Variants in AFF2 observed in about 807,000 individuals in gnomAD.
The protein encoded by AFF2 is AF4/FMR2 family member 2.
In AFF2, 14 loss-of-function variants were observed where a neutral mutation model predicts 76.9. The observed-to-expected ratio is 0.18, with a 90% CI of 0.12 to 0.28. The LOEUF (loss-of-function observed/expected upper bound fraction) is 0.28. Among genes scored for constraint, AFF2 ranks in the 10% least tolerant of loss-of-function variants. The pLI is 1.00. For missense variants in AFF2, 868 were observed against 1,001.1 expected (o/e 0.87, Z 1.79); for synonymous variants, 398 against 366.7 (o/e 1.09, Z -0.98).
At chrX:148,697,492 A>G (rs2054734277) in intron 3 of AFF2, among the ~76,000 whole-genome samples, 1 of 111,351 alleles carries the variant, frequency 9.0e-6, no homozygotes, top group African/African-American at 3.3e-5. Flanking sequence ...TCTACAGCAG[A>G]TGGGTCAGGC....
At chrX:148,685,282 A>C (rs1387591637) in intron 3 of AFF2, among the ~76,000 whole-genome samples, 3 of 112,084 alleles carry the variant, frequency 2.7e-5, no homozygotes, top group African/African-American at 9.7e-5. Context: ...CCAGTGGCTT[A>C]AAGTAATTTA....
chrX:148,930,581 T>C (rs1228211844), intron 9 of AFF2, among the ~76,000 whole-genome samples: 2 of 112,538 alleles, frequency 1.8e-5, no homozygotes, highest in Non-Finnish European at 3.8e-5. Flanking sequence ...AGTCACTACA[T>C]GTCCAAATGC....
intron 3 of AFF2, among the ~76,000 whole-genome samples, chrX:148,801,441 G>A (rs185855170): frequency 1.8e-5 from 2 of 111,459 alleles, no homozygotes; most frequent in East Asian, 2.8e-4. Context: ...TGATCTTGCC[G>A]CATACTTCAT....
In AFF2 at chrX:148,931,253, CAAA is replaced by C. The variant is rs782537927; in HGVS notation, c.1398-22303_1398-22301del. On this transcript the variant is annotated intron_variant, in intron 9 of 20. Transcript: ENST00000370460. ...TGGGTGACAGAGCGAGACTCTGTCT[CAAA>C]AAAAAAAAAAAAAAAAAAAAAAATT... is the stretch of plus-strand genomic sequence containing the variant. 1.6e-4 allele frequency among the ~76,000 whole-genome samples: 7 copies of C among 43,766 alleles called. No homozygotes were observed. In the East Asian group the frequency reaches 2.7e-3, roughly 17 times the overall value. 38.0% of individuals were successfully genotyped at this position (43,766 alleles called of 115,157 possible).
At chrX:148,686,176 AT>A (rs1213091744) in intron 3 of AFF2, among the ~76,000 whole-genome samples, 1 of 112,083 alleles carries the variant, frequency 8.9e-6, no homozygotes, top group African/African-American at 3.2e-5. Context: ...TGATAACAAA[AT>A]GTTGCATCTC....
Position 148,992,324 on chromosome X carries a change from C to A in AFF2, c.*992C>A, listed in dbSNP as rs782077604. ...TTTTTAAATTGTATTTTGCTCAAAT[C>A]TATGGGAACAAAAGTCAAGGTATCA... On this transcript the variant is annotated 3_prime_UTR_variant, in exon 21 of 21. Transcript: ENST00000370460. The A allele has an allele frequency of 2.4e-3, 264 of 112,221 alleles. No homozygotes were observed. Among genetic ancestry groups the A allele is most frequent in the African/African-American group, 8.4e-3 (261 of 30,942 alleles). 9.2% of individuals were successfully genotyped at this position (112,221 alleles called of 1,213,427 possible).
chrX:148,793,004 G>A (rs782497627), intron 3 of AFF2, among the ~76,000 whole-genome samples: 1 of 111,739 alleles, frequency 8.9e-6, no homozygotes, highest in Non-Finnish European at 1.9e-5. Flanking sequence ...ATTATTTTCT[G>A]CACTTAAATC....
At chrX:148,900,060 A>C (rs1253072075) in intron 8 of AFF2, among the ~76,000 whole-genome samples, 2 of 110,827 alleles carry the variant, frequency 1.8e-5, no homozygotes, top group African/African-American at 6.6e-5. Context: ...AATAGCAATT[A>C]ATTGAGTATA....
At chrX:148,557,634 C>T (rs2053065915) in intron 1 of AFF2, among the ~76,000 whole-genome samples, 1 of 112,213 alleles carries the variant, frequency 8.9e-6, no homozygotes, top group Non-Finnish European at 1.9e-5. Flanking sequence ...AAGATATCAC[C>T]TCTCAACACT....
chrX:148,828,030 GA>G (rs141724783), intron 4 of AFF2, among the ~76,000 whole-genome samples: 10 of 104,783 alleles, frequency 9.5e-5, no homozygotes, highest in African/African-American at 3.5e-4. Context: ...ACTGTGAAAG[GA>G]AAAAAAAAAC....
rs781999149 is a variant in AFF2 at position 148,942,062 on chromosome X, C to T, written c.1398-11518C>T. ...AATTTAGTGGTGCAGGTTAGCACAA[C>T]GAAATAAAATCATCTGAGATTAATG... On this transcript the variant is annotated intron_variant, in intron 9 of 20. Transcript: ENST00000370460. Among the ~76,000 whole-genome samples the T allele has an allele frequency of 7.3e-5, 8 of 109,746 alleles. No homozygotes were observed. In the East Asian group the frequency reaches 8.6e-4, roughly 12 times the overall value.
chrX:148,828,925 T>C (rs1330909678), intron 4 of AFF2, among the ~76,000 whole-genome samples: 3 of 112,002 alleles, frequency 2.7e-5, no homozygotes, highest in Non-Finnish European at 5.6e-5. Context: ...TACTTCCCAA[T>C]TGTACATTAT....
At chrX:148,852,594 G>A (rs1198252995) in intron 7 of AFF2, among the ~76,000 whole-genome samples, 1 of 111,105 alleles carries the variant, frequency 9.0e-6, no homozygotes, top group African/African-American at 3.3e-5. Flanking sequence ...GGTACAGAAA[G>A]AAACGAAGAA....
At chrX:148,752,523 A>T (rs2055514331) in intron 3 of AFF2, among the ~76,000 whole-genome samples, 1 of 112,065 alleles carries the variant, frequency 8.9e-6, no homozygotes, top group Admixed American at 9.5e-5. Context: ...CAATTTTTTA[A>T]AAAATGAATT....
At chrX:148,908,204 G>T (rs1397604025) in intron 9 of AFF2, among the ~76,000 whole-genome samples, 1 of 110,742 alleles carries the variant, frequency 9.0e-6, no homozygotes, top group African/African-American at 3.3e-5. Flanking sequence ...TCATTACAGG[G>T]TCCTGAGGCG....
intron 1 of AFF2, among the ~76,000 whole-genome samples, chrX:148,599,092 A>G (rs2124383825): frequency 8.9e-6 from 1 of 112,285 alleles, no homozygotes; most frequent in South Asian, 3.7e-4. Flanking sequence ...CTGGTTTAGC[A>G]TCTGTGGACT....
rs1409213830 is a variant in AFF2 at position 148,557,655 on chromosome X, A to G, written c.47+56511A>G. ...TCACCTCTCAACACTCTTGCATTAG[A>G]GATTAAATTTCTAACTTTGGGGGAG... On this transcript the variant is annotated intron_variant, in intron 1 of 20. Transcript: ENST00000370460. Among the ~76,000 whole-genome samples, 3 of 112,590 alleles carry G rather than the reference A, an allele frequency of 2.7e-5. No homozygotes were observed. In the East Asian group the frequency reaches 8.4e-4, roughly 32 times the overall value.
intron 3 of AFF2, among the ~76,000 whole-genome samples, chrX:148,762,877 A>G (rs2069469044): frequency 8.9e-6 from 1 of 111,753 alleles, no homozygotes; most frequent in African/African-American, 3.3e-5. Context: ...TATTGTGTTT[A>G]TATCCACAAA....
chrX:148,542,078 T>A (rs1356538438), intron 1 of AFF2, among the ~76,000 whole-genome samples: 1 of 109,959 alleles, frequency 9.1e-6, no homozygotes. Flanking sequence ...ATGAATAACT[T>A]GTGTTTATTC....
Sources: gnomAD v4.1 joint callset for allele counts (sites outside exome capture counted in the v4.1 genomes callset) on GRCh38, gnomAD v4.1.1 for gene constraint, MANE v1.5 for transcripts, NCBI Gene and HGNC (gene_info 2026-07-23, HGNC 2026-07-21) for gene names.